The following VEPH1 variants were observed in gnomAD, a reference collection of about 807,000 sequenced individuals.
VEPH1 encodes the protein ventricular zone-expressed PH domain-containing protein homolog 1.
In VEPH1, 80 loss-of-function variants were observed where a neutral mutation model predicts 85.2. The observed-to-expected ratio is 0.94, with a 90% CI of 0.78 to 1.13. The LOEUF (loss-of-function observed/expected upper bound fraction) is 1.13. Among genes scored for constraint, VEPH1 ranks in the 50% most tolerant of loss-of-function variants. VEPH1 has a pLI of 0.00. For synonymous variants in VEPH1, 297 were observed against 348.0 expected (o/e 0.85, Z 1.63); for missense variants, 955 against 980.5 (o/e 0.97, Z 0.35).
intron 9 of VEPH1, among the ~76,000 whole-genome samples, chr3:157,361,811 T>C (rs1371737294): frequency 6.6e-6 from 1 of 152,210 alleles, no homozygotes; most frequent in African/African-American, 2.4e-5. Flanking sequence ...GCACAAAATG[T>C]AAAGGAGTGT....
chr3:157,474,066 T>C (rs745393686), intron 2 of VEPH1, among the ~76,000 whole-genome samples: 3 of 152,178 alleles, frequency 2.0e-5, no homozygotes, highest in Non-Finnish European at 4.4e-5. Flanking sequence ...TTTGGTCTTA[T>C]GTTTGTCAGG....
chr3:157,494,214 T>G (rs1246767159), intron 2 of VEPH1, among the ~76,000 whole-genome samples: 2 of 152,218 alleles, frequency 1.3e-5, no homozygotes, highest in African/African-American at 4.8e-5. Flanking sequence ...CCAGTATACC[T>G]TTTAAATATA....
At chr3:157,478,377 T>C (rs992897170) in intron 2 of VEPH1, among the ~76,000 whole-genome samples, 2 of 152,192 alleles carry the variant, frequency 1.3e-5, no homozygotes, top group African/African-American at 4.8e-5. Context: ...ATAAATGTTC[T>C]GCATGGTAAT....
At chr3:157,362,517 A>G (rs1726162380) in intron 9 of VEPH1, among the ~76,000 whole-genome samples, 2 of 151,948 alleles carry the variant, frequency 1.3e-5, no homozygotes, top group African/African-American at 4.8e-5. Context: ...TTGTGTATGG[A>G]TGGTCCTGAC....
At chr3:157,448,263 T>C (rs779106197) in intron 4 of VEPH1, among the ~76,000 whole-genome samples, 9 of 152,114 alleles carry the variant, frequency 5.9e-5, no homozygotes, top group South Asian at 2.1e-4. Context: ...AAAAAGGAAT[T>C]TGGACTCTTG....
At chr3:157,447,594 CTTT>C (rs10719525) in intron 4 of VEPH1, among the ~76,000 whole-genome samples, 6 of 133,096 alleles carry the variant, frequency 4.5e-5, no homozygotes, top group Non-Finnish European at 3.2e-5. Flanking sequence ...TGCTTCCAAT[CTTT>C]TTTTTTTTTT....
At chr3:157,268,562 A>G (rs1259468867) in intron 12 of VEPH1, among the ~76,000 whole-genome samples, 1 of 152,202 alleles carries the variant, frequency 6.6e-6, no homozygotes, top group Non-Finnish European at 1.5e-5. Flanking sequence ...GAAGATTTAG[A>G]TTTGAATCCT....
intron 4 of VEPH1, among the ~76,000 whole-genome samples, chr3:157,454,881 T>C (rs1231095501): frequency 6.6e-6 from 1 of 152,220 alleles, no homozygotes; most frequent in Non-Finnish European, 1.5e-5. Context: ...CTTAGGATAA[T>C]GGCCTCTAGC....
intron 9 of VEPH1, among the ~76,000 whole-genome samples, chr3:157,322,212 G>A (rs755910516): frequency 6.6e-6 from 1 of 152,110 alleles, no homozygotes; most frequent in Non-Finnish European, 1.5e-5. Context: ...TCATATAATA[G>A]TTGTTCTTTT....
chr3:157,288,472 A>G (rs563409144), intron 11 of VEPH1, among the ~76,000 whole-genome samples: 2 of 151,758 alleles, frequency 1.3e-5, no homozygotes, highest in Non-Finnish European at 2.9e-5. Flanking sequence ...AAGTATGTCC[A>G]ACTATCAGTT....
chr3:157,260,255 T>G lies in VEPH1; in HGVS notation c.*879A>C, dbSNP rs1712706581. 6.6e-6 allele frequency: 1 copy of G among 152,308 alleles called. No homozygotes were observed. The highest frequency in any genetic ancestry group is 1.9e-4 in the East Asian group (1 of 5,194). 9.4% of individuals were successfully genotyped at this position (152,308 alleles called of 1,614,324 possible). On this transcript the variant is annotated 3_prime_UTR_variant, in exon 14 of 14. Transcript: ENST00000362010. ...CAAGGCATGGATTATTGAGAATCAC[T>G]CTAGAATTCTGTCTATCATAGTGTA...
At chr3:157,405,413 C>T (rs965899276) in intron 6 of VEPH1, among the ~76,000 whole-genome samples, 1 of 152,098 alleles carries the variant, frequency 6.6e-6, no homozygotes, top group African/African-American at 2.4e-5. Context: ...ATTTACTTAT[C>T]CGCACTATGA....
chr3:157,449,877 T>C (rs1376490979), intron 4 of VEPH1, among the ~76,000 whole-genome samples: 2 of 151,784 alleles, frequency 1.3e-5, no homozygotes, highest in Non-Finnish European at 2.9e-5. Context: ...AAGCTACATT[T>C]CCTGTGGGTA....
chr3:157,396,585 A>G (rs1049484368), intron 6 of VEPH1, among the ~76,000 whole-genome samples: 11 of 152,172 alleles, frequency 7.2e-5, no homozygotes, highest in Admixed American at 1.3e-4. Context: ...CTATTTCTCC[A>G]CAGCCTTGCC....
chr3:157,446,286 G>A (rs1734550425), intron 4 of VEPH1, among the ~76,000 whole-genome samples: 1 of 151,976 alleles, frequency 6.6e-6, no homozygotes, highest in African/African-American at 2.4e-5. Flanking sequence ...TCCATGTCCT[G>A]GGAAGCCCTC....
chr3:157,432,577 C>T (rs1733256295), intron 4 of VEPH1, among the ~76,000 whole-genome samples: 1 of 151,902 alleles, frequency 6.6e-6, no homozygotes, highest in Non-Finnish European at 1.5e-5. Context: ...ATTTGCCACA[C>T]CTCTTTCATA....
At chr3:157,482,246 C>T (rs1261831504) in intron 2 of VEPH1, among the ~76,000 whole-genome samples, 1 of 151,764 alleles carries the variant, frequency 6.6e-6, no homozygotes, top group Non-Finnish European at 1.5e-5. Flanking sequence ...CATTTTAAGA[C>T]AGAGTCTCAC....
At chr3:157,322,338 T>C (rs1287868807) in intron 9 of VEPH1, among the ~76,000 whole-genome samples, 2 of 152,214 alleles carry the variant, frequency 1.3e-5, no homozygotes, top group Admixed American at 6.5e-5. Context: ...GTATATGCCA[T>C]GGTTTGTTTA....
chr3:157,335,134 A>G (rs895315787), intron 9 of VEPH1, among the ~76,000 whole-genome samples: 3 of 152,180 alleles, frequency 2.0e-5, no homozygotes, highest in Non-Finnish European at 4.4e-5. Flanking sequence ...TGCTGTCAAA[A>G]AGCCCAAAGT....
Sources: gnomAD v4.1 joint callset for allele counts (sites outside exome capture counted in the v4.1 genomes callset) on GRCh38, gnomAD v4.1.1 for gene constraint, MANE v1.5 for transcripts, NCBI Gene and HGNC (gene_info 2026-07-23, HGNC 2026-07-21) for gene names.